VTI1A: variants seen among roughly 807,000 people sequenced by gnomAD.
VTI1A encodes the protein vesicle transport through interaction with t-SNAREs homolog 1A.
Under a neutral mutation model 34.9 loss-of-function variants are expected in VTI1A, and 22 were observed. The observed-to-expected ratio is 0.63, with a 90% CI of 0.45 to 0.90. The LOEUF (loss-of-function observed/expected upper bound fraction) is 0.90. Ranked by LOEUF, VTI1A falls within the 40% of genes least tolerant of loss-of-function variation. The pLI is 0.00. For missense variants in VTI1A, 268 were observed against 275.6 expected (o/e 0.97, Z 0.20); for synonymous variants, 87 against 97.3 (o/e 0.89, Z 0.62).
intron 7 of VTI1A, among the ~76,000 whole-genome samples, chr10:112,749,839 T>A (rs1851037101): frequency 6.6e-6 from 1 of 152,182 alleles, no homozygotes. Context: ...TAGCAGAAAT[T>A]TAGAAGCAAC....
intron 7 of VTI1A, among the ~76,000 whole-genome samples, chr10:112,684,454 T>TTC (rs1254612214): frequency 2.0e-5 from 3 of 151,174 alleles, no homozygotes; most frequent in African/African-American, 7.3e-5. Context: ...TTTTTTTTTT[T>TTC]TTGAGACAGA....
chr10:112,698,926 TC>T (rs1848890185), intron 7 of VTI1A, among the ~76,000 whole-genome samples: 1 of 152,038 alleles, frequency 6.6e-6, no homozygotes, highest in Non-Finnish European at 1.5e-5. Context: ...GAGAAGAAAA[TC>T]CTCGCGGAGA....
At chr10:112,601,366 A>G (rs1844869110) in intron 5 of VTI1A, among the ~76,000 whole-genome samples, 1 of 152,216 alleles carries the variant, frequency 6.6e-6, no homozygotes, top group Non-Finnish European at 1.5e-5. Context: ...TGCTATGCCT[A>G]AACAATTTTG....
chr10:112,477,979 G>A (rs1335761441), intron 3 of VTI1A, among the ~76,000 whole-genome samples: 4 of 152,086 alleles, frequency 2.6e-5, no homozygotes, highest in Non-Finnish European at 4.4e-5. Flanking sequence ...CTCATAGCTA[G>A]CATCTTGCAG....
intron 4 of VTI1A, among the ~76,000 whole-genome samples, chr10:112,536,588 AT>A (rs968764820): frequency 7.9e-4 from 118 of 148,554 alleles, no homozygotes; most frequent in African/African-American, 2.3e-3. Context: ...TTATATTTAT[AT>A]TTTTTTTTTG....
chr10:112,603,865 G>A (rs1362277575), intron 5 of VTI1A, among the ~76,000 whole-genome samples: 3 of 152,084 alleles, frequency 2.0e-5, no homozygotes, highest in African/African-American at 2.4e-5. Flanking sequence ...GTTACTCTTG[G>A]TAGATGACAA....
intron 5 of VTI1A, among the ~76,000 whole-genome samples, chr10:112,639,466 C>G (rs1846483758): frequency 6.6e-6 from 1 of 152,128 alleles, no homozygotes; most frequent in South Asian, 2.1e-4. Context: ...TTTCTCTCCT[C>G]ATGTTAACAT....
chr10:112,542,940 T>A (rs1013061403), intron 5 of VTI1A, among the ~76,000 whole-genome samples: 1 of 152,176 alleles, frequency 6.6e-6, no homozygotes, highest in African/African-American at 2.4e-5. Context: ...TGGTTTTGTG[T>A]CCTTGCGATA....
chr10:112,560,721 C>T (rs1414077773), intron 5 of VTI1A, among the ~76,000 whole-genome samples: 12 of 151,528 alleles, frequency 7.9e-5, no homozygotes, highest in South Asian at 2.1e-4. Flanking sequence ...CTCAGCCTCC[C>T]GAGTAGCTGG....
At chr10:112,568,991 C>A in intron 5 of VTI1A, among the ~76,000 whole-genome samples, 1 of 152,102 alleles carries the variant, frequency 6.6e-6, no homozygotes, top group African/African-American at 2.4e-5. Context: ...CCTGTCTCTG[C>A]TAAAAATACA....
At chr10:112,696,119 C>T (rs996490936) in intron 7 of VTI1A, among the ~76,000 whole-genome samples, 9 of 134,004 alleles carry the variant, frequency 6.7e-5, no homozygotes, top group African/African-American at 2.3e-4. Context: ...TATATATGCA[C>T]GTGAGCACAT....
intron 7 of VTI1A, among the ~76,000 whole-genome samples, chr10:112,701,136 A>C (rs1043033500): frequency 1.3e-5 from 2 of 152,248 alleles, no homozygotes; most frequent in African/African-American, 2.4e-5. Context: ...GGCATTTTTC[A>C]TAATTGTATG....
intron 7 of VTI1A, among the ~76,000 whole-genome samples, chr10:112,806,790 T>C (rs1426612914): frequency 6.6e-6 from 1 of 152,026 alleles, no homozygotes; most frequent in African/African-American, 2.4e-5. Flanking sequence ...TCTCTCTATG[T>C]TGCCCAGGCT....
At chr10:112,830,850 T>TATATATATATATATATATA in the VTI1A span, among the ~76,000 whole-genome samples, 86 of 29,682 alleles carry the variant, frequency 2.9e-3, 1 homozygote, top group South Asian at 5.9e-3. Flanking sequence ...TATATATATA[T>TATATATATATATATATATA]TTTTTTTTTT....
At chr10:112,489,777 G>A (rs1040933249) in intron 3 of VTI1A, among the ~76,000 whole-genome samples, 2 of 152,182 alleles carry the variant, frequency 1.3e-5, no homozygotes, top group Non-Finnish European at 2.9e-5. Context: ...TTGAAAGGGA[G>A]CAGCTGAAAT....
intron 5 of VTI1A, among the ~76,000 whole-genome samples, chr10:112,648,991 G>A (rs1397975183): frequency 1.3e-5 from 2 of 152,002 alleles, no homozygotes; most frequent in African/African-American, 2.4e-5. Context: ...GATATTTGGG[G>A]TATTTTTTTT....
intron 7 of VTI1A, among the ~76,000 whole-genome samples, chr10:112,728,881 G>A (rs1046433514): frequency 6.6e-6 from 1 of 151,962 alleles, no homozygotes; most frequent in Non-Finnish European, 1.5e-5. Flanking sequence ...TGCACAATAG[G>A]CCTAAGAGAT....
intron 5 of VTI1A, among the ~76,000 whole-genome samples, chr10:112,608,976 T>A (rs888718680): frequency 1.9e-4 from 29 of 152,272 alleles, no homozygotes; most frequent in African/African-American, 6.7e-4. Flanking sequence ...AGTCAAATAT[T>A]TGTACTTTAA....
chr10:112,799,813 G>T (rs1852812968), intron 7 of VTI1A, among the ~76,000 whole-genome samples: 1 of 152,166 alleles, frequency 6.6e-6, no homozygotes, highest in African/African-American at 2.4e-5. Flanking sequence ...CTCTGCAGCG[G>T]TCTCATTCAG....
Sources: gnomAD v4.1 joint callset for allele counts (sites outside exome capture counted in the v4.1 genomes callset) on GRCh38, gnomAD v4.1.1 for gene constraint, MANE v1.5 for transcripts, NCBI Gene and HGNC (gene_info 2026-07-23, HGNC 2026-07-21) for gene names.